The following CNTN5 variants were observed in gnomAD, a reference collection of about 807,000 sequenced individuals.
CNTN5 encodes contactin-5.
In CNTN5, 77 loss-of-function variants were observed where a neutral mutation model predicts 129.1. The observed-to-expected ratio is 0.60, with a 90% CI of 0.50 to 0.72. The LOEUF (loss-of-function observed/expected upper bound fraction) is 0.72. Ranked by LOEUF, CNTN5 falls within the 30% of genes least tolerant of loss-of-function variation. CNTN5 has a pLI of 0.00. For missense variants in CNTN5, 1,478 were observed against 1,328.8 expected, an observed-to-expected ratio of 1.11 and a Z score of -1.75; for synonymous variants, 509 against 465.6, an observed-to-expected ratio of 1.09 and a Z score of -1.20.
At chr11:99,322,391 A>T (rs945173812) in intron 1 of CNTN5, among the ~76,000 whole-genome samples, 4 of 152,160 alleles carry the variant, frequency 2.6e-5, no homozygotes, top group Non-Finnish European at 5.9e-5. Context: ...CAGAAGTAGA[A>T]AGAACACAAA....
chr11:100,195,189 T>C (rs1283789433), intron 15 of CNTN5, among the ~76,000 whole-genome samples: 2 of 151,968 alleles, frequency 1.3e-5, no homozygotes, highest in Non-Finnish European at 2.9e-5. Context: ...AAAAATCCCA[T>C]GAGAAAAATA....
At chr11:99,940,286 A>G (rs1333699836) in intron 7 of CNTN5, among the ~76,000 whole-genome samples, 1 of 152,150 alleles carries the variant, frequency 6.6e-6, no homozygotes, top group African/African-American at 2.4e-5. Context: ...AAATTTATGT[A>G]ATTTGTGCTC....
chr11:99,540,526 T>C (rs937825263), intron 2 of CNTN5, among the ~76,000 whole-genome samples: 2 of 152,084 alleles, frequency 1.3e-5, no homozygotes, highest in Admixed American at 6.6e-5. Context: ...GGATACAAAC[T>C]AATTGCTACA....
At chr11:99,989,011 T>A (rs1424721804) in intron 8 of CNTN5, among the ~76,000 whole-genome samples, 2 of 152,182 alleles carry the variant, frequency 1.3e-5, no homozygotes, top group African/African-American at 4.8e-5. Context: ...GATTTATGAT[T>A]AATTTGTCTA....
chr11:99,695,196 C>A lies in CNTN5; in HGVS notation c.56-124348C>A, dbSNP rs146392111. Among the ~76,000 whole-genome samples, 908 of 151,998 alleles carry A rather than the reference C, an allele frequency of 6.0e-3. 4 individuals are homozygous for A. The highest frequency in any genetic ancestry group is 9.8e-3 in the Non-Finnish European group (663 of 67,966). On this transcript the variant is annotated intron_variant, in intron 3 of 24. Coordinates refer to ENST00000524871, the MANE Select transcript of CNTN5 (RefSeq NM_014361.4). ...ATAAGTAGATCATCTAGAATGACTT[C>A]TTTATTCTTGACAGATTGGGTGACT...
intron 15 of CNTN5, among the ~76,000 whole-genome samples, chr11:100,206,126 G>A (rs1948906347): frequency 6.6e-6 from 1 of 152,028 alleles, no homozygotes; most frequent in Admixed American, 6.6e-5. Flanking sequence ...CTGAGTCAAA[G>A]GTACACATCA....
At chr11:99,962,039 G>A (rs1012821289) in intron 8 of CNTN5, among the ~76,000 whole-genome samples, 3 of 152,094 alleles carry the variant, frequency 2.0e-5, no homozygotes, top group Non-Finnish European at 2.9e-5. Flanking sequence ...AATAGTTACT[G>A]TTGAAAATTC....
intron 2 of CNTN5, among the ~76,000 whole-genome samples, chr11:99,434,733 T>C (rs145939704): frequency 0.011 from 1,613 of 152,258 alleles, 32 homozygotes; most frequent in African/African-American, 0.036. Context: ...TTTTAAATTA[T>C]TCATTTTCAG....
At chr11:100,189,482 ACTT>A (rs1948406978) in intron 13 of CNTN5, among the ~76,000 whole-genome samples, 1 of 152,148 alleles carries the variant, frequency 6.6e-6, no homozygotes, top group Non-Finnish European at 1.5e-5. Flanking sequence ...TTTAAGCCAA[ACTT>A]CTTACCTGCT....
intron 2 of CNTN5, among the ~76,000 whole-genome samples, chr11:99,533,496 AG>A (rs1426830457): frequency 6.6e-6 from 1 of 152,254 alleles, no homozygotes; most frequent in Non-Finnish European, 1.5e-5. Context: ...TTGAATCCAA[AG>A]GAGACAAAGG....
chr11:99,595,920 C>G (rs1278465523), intron 3 of CNTN5, among the ~76,000 whole-genome samples: 1 of 152,040 alleles, frequency 6.6e-6, no homozygotes. Flanking sequence ...AGTCCCTAAC[C>G]AGCCACATCA....
At chr11:100,041,022 C>G (rs200440357) in intron 9 of CNTN5, among the ~76,000 whole-genome samples, 1 of 150,524 alleles carries the variant, frequency 6.6e-6, no homozygotes. Context: ...GAGATGAACC[C>G]GGTACCTCAG....
At chr11:100,205,589 G>A (rs975247343) in intron 15 of CNTN5, among the ~76,000 whole-genome samples, 1 of 152,032 alleles carries the variant, frequency 6.6e-6, no homozygotes, top group Admixed American at 6.6e-5. Context: ...ATTTATCAGT[G>A]TACAATACAA....
At chr11:99,503,779 A>G (rs1243011228) in intron 2 of CNTN5, among the ~76,000 whole-genome samples, 2 of 152,092 alleles carry the variant, frequency 1.3e-5, no homozygotes, top group Non-Finnish European at 2.9e-5. Context: ...TTTTTGTAAT[A>G]TATATTATAT....
intron 3 of CNTN5, among the ~76,000 whole-genome samples, chr11:99,771,260 A>C (rs943946715): frequency 6.6e-6 from 1 of 152,108 alleles, no homozygotes; most frequent in Non-Finnish European, 1.5e-5. Flanking sequence ...TGCTGAAGAC[A>C]TAGCTATACT....
At chr11:99,815,907 C>G (rs1946571454) in intron 3 of CNTN5, among the ~76,000 whole-genome samples, 1 of 152,106 alleles carries the variant, frequency 6.6e-6, no homozygotes. Context: ...TTTTAACACC[C>G]TTTCAGTTTC....
chr11:99,116,404 G>T (rs1858047105), intron 1 of CNTN5, among the ~76,000 whole-genome samples: 1 of 152,060 alleles, frequency 6.6e-6, no homozygotes, highest in Non-Finnish European at 1.5e-5. Context: ...TTTCATTTTG[G>T]AGATATCTGC....
intron 2 of CNTN5, among the ~76,000 whole-genome samples, chr11:99,541,584 A>G (rs1353464143): frequency 6.6e-6 from 1 of 152,168 alleles, no homozygotes; most frequent in Non-Finnish European, 1.5e-5. Flanking sequence ...AAGATTGCTC[A>G]GGGAAATCCT....
chr11:99,091,291 C>G (rs1399381477), intron 1 of CNTN5, among the ~76,000 whole-genome samples: 1 of 152,148 alleles, frequency 6.6e-6, no homozygotes, highest in Non-Finnish European at 1.5e-5. Context: ...GGAACAACTG[C>G]ACACCTTGAA....
Sources: gnomAD v4.1 joint callset for allele counts (sites outside exome capture counted in the v4.1 genomes callset) on GRCh38, gnomAD v4.1.1 for gene constraint, MANE v1.5 for transcripts, NCBI Gene and HGNC (gene_info 2026-07-23, HGNC 2026-07-21) for gene names.